The following MGAT4D variants were observed in gnomAD, a reference collection of about 807,000 sequenced individuals.
MGAT4D encodes alpha-1,3-mannosyl-glycoprotein 4-beta-N-acetylglucosaminyltransferase-like protein MGAT4D.
Under a neutral mutation model 15.9 loss-of-function variants are expected in MGAT4D, and 34 were observed. The ratio of observed to expected loss-of-function variants is 2.14; its 90% CI spans 1.62 to 2.84. MGAT4D has a LOEUF of 2.84. Ranked by LOEUF, MGAT4D falls within the 30% of genes most tolerant of loss-of-function variation. The pLI, the probability that MGAT4D is intolerant of heterozygous loss-of-function variation, is 0.00. For missense variants in MGAT4D, 327 were observed against 140.2 expected (o/e 2.33, Z -6.73); for synonymous variants, 112 against 48.2 (o/e 2.33, Z -5.49).
intron 7 of MGAT4D, among the ~76,000 whole-genome samples, chr4:140,460,565 G>T (rs1231555052): frequency 6.6e-6 from 1 of 152,200 alleles, no homozygotes; most frequent in Non-Finnish European, 1.5e-5. Flanking sequence ...GCCAGGAGCC[G>T]TGGCTCACGC....
chr4:140,444,460 G>A (rs1342493519), intron 10 of MGAT4D, among the ~76,000 whole-genome samples: 4 of 152,134 alleles, frequency 2.6e-5, no homozygotes, highest in African/African-American at 4.8e-5. Context: ...TTATAGGTGA[G>A]AACATGCAGT....
intron 1 of MGAT4D, among the ~76,000 whole-genome samples, chr4:140,486,341 G>A (rs1366588029): frequency 6.6e-6 from 1 of 152,040 alleles, no homozygotes; most frequent in Non-Finnish European, 1.5e-5. Flanking sequence ...TAGCACAGCC[G>A]TCTTTCCCTT....
chr4:140,479,683 T>C (rs1732568315), intron 2 of MGAT4D, 56 bp from the exon 3 acceptor site: 2 of 374,762 alleles, frequency 5.3e-6, no homozygotes, highest in East Asian at 7.5e-5. Context: ...TTTCTCCCCC[T>C]GGAATAATTT....
At chr4:140,446,768 T>G (rs1730159884) in intron 10 of MGAT4D, among the ~76,000 whole-genome samples, 1 of 133,560 alleles carries the variant, frequency 7.5e-6, no homozygotes. Flanking sequence ...TTTTTTTTTT[T>G]TTTTTTTTTT....
chr4:140,459,799 C>CTTTTTTTTTTTTTT (rs576574327), intron 7 of MGAT4D, among the ~76,000 whole-genome samples, 173 bp from the exon 8 acceptor site: 1 of 109,064 alleles, frequency 9.2e-6, no homozygotes, highest in Non-Finnish European at 1.8e-5. Flanking sequence ...AGTTGATTTC[C>CTTTTTTTTTTTTTT]TTTTTTTTTT....
rs1354976731 is a variant in MGAT4D, at chr4:140,442,287, A to G, written c.*1149T>C. On this transcript the variant is annotated 3_prime_UTR_variant, in exon 11 of 11. Transcript: ENST00000511113. ...TTCGTCTTTCATATTATCTTTATAA[A>G]TTGGTATTTGATACAGTTCATACTG... is the stretch of plus-strand genomic sequence containing the variant. 2 of 152,182 alleles carry G rather than the reference A, an allele frequency of 1.3e-5. No homozygotes were observed. Among genetic ancestry groups the G allele is most frequent in the African/African-American group, 4.8e-5 (2 of 41,454 alleles). The allele number at this position is 152,182 out of a possible 1,614,324, so 9.4% of individuals were successfully genotyped here. A position where few individuals can be genotyped will look rare whatever the true frequency, so the allele number is the denominator to read the frequency against.
At chr4:140,495,087 T>C (rs960923014) in intron 1 of MGAT4D, among the ~76,000 whole-genome samples, 28 of 152,218 alleles carry the variant, frequency 1.8e-4, no homozygotes, top group African/African-American at 6.5e-4. Flanking sequence ...GTCCCCATGA[T>C]ATAATACTTC....
chr4:140,456,462 G>T, intron 9 of MGAT4D, 127 bp downstream of exon 9: 9 of 406,774 alleles, frequency 2.2e-5, no homozygotes, highest in Non-Finnish European at 3.1e-5. Context: ...ATCAAAATTT[G>T]GGATATTAGA....
intron 4 of MGAT4D, among the ~76,000 whole-genome samples, chr4:140,474,157 A>G (rs894321829): frequency 1.3e-5 from 2 of 152,194 alleles, no homozygotes; most frequent in African/African-American, 4.8e-5. Context: ...ACACAGTACT[A>G]TATAGTTTTA....
chr4:140,484,518 A>G (rs1461180425), intron 1 of MGAT4D, among the ~76,000 whole-genome samples: 1 of 152,210 alleles, frequency 6.6e-6, no homozygotes, highest in African/African-American at 2.4e-5. Flanking sequence ...AAAACACCAA[A>G]AGCAATAGCA....
intron 10 of MGAT4D, among the ~76,000 whole-genome samples, chr4:140,449,234 A>T (rs1730316092): frequency 6.6e-6 from 1 of 152,200 alleles, no homozygotes; most frequent in Non-Finnish European, 1.5e-5. Context: ...TTTCCAAAAG[A>T]AATTTGTATG....
intron 1 of MGAT4D, among the ~76,000 whole-genome samples, chr4:140,493,146 T>G (rs531183597): frequency 6.6e-6 from 1 of 152,172 alleles, no homozygotes; most frequent in Non-Finnish European, 1.5e-5. Flanking sequence ...CGCAACATAA[T>G]GTAAAATTAA....
At chr4:140,475,935 C>CCGA (rs1347806834) in intron 3 of MGAT4D, among the ~76,000 whole-genome samples, 2 of 151,582 alleles carry the variant, frequency 1.3e-5, no homozygotes, top group East Asian at 3.9e-4. Context: ...TCTCAGTCTC[C>CCGA]CGAGTAGCTG....
chr4:140,477,419 C>T (rs1048156583), intron 3 of MGAT4D, among the ~76,000 whole-genome samples: 2 of 152,172 alleles, frequency 1.3e-5, no homozygotes, highest in African/African-American at 4.8e-5. Context: ...AGAGTAGAAG[C>T]TTATTAAATG....
At chr4:140,449,978 T>G (rs752996233) in intron 10 of MGAT4D, 3 of 243,710 alleles carry the variant, frequency 1.2e-5, no homozygotes, top group African/African-American at 6.6e-5. Flanking sequence ...CTTGCCACTT[T>G]ATTGAAGGAT....
At chr4:140,494,785 G>A (rs941617104) in intron 1 of MGAT4D, among the ~76,000 whole-genome samples, 1 of 152,158 alleles carries the variant, frequency 6.6e-6, no homozygotes, top group Admixed American at 6.5e-5. Context: ...GAGAGGGGGT[G>A]TTGCTCCTGG....
At chr4:140,469,626 C>A (rs1731780585) in intron 5 of MGAT4D, among the ~76,000 whole-genome samples, 1 of 152,184 alleles carries the variant, frequency 6.6e-6, no homozygotes, top group Non-Finnish European at 1.5e-5. Context: ...TTTAAAGACT[C>A]TGGGTCAGTT....
chr4:140,481,120 C>G (rs34321987), intron 2 of MGAT4D, among the ~76,000 whole-genome samples: 37,461 of 151,764 alleles, frequency 0.25, 4,964 homozygotes, highest in East Asian at 0.48. Flanking sequence ...TCAGCCTGGG[C>G]AACATAGAGA....
At chr4:140,483,429 T>C (rs1164521925) in intron 1 of MGAT4D, among the ~76,000 whole-genome samples, 1 of 152,180 alleles carries the variant, frequency 6.6e-6, no homozygotes, top group East Asian at 1.9e-4. Context: ...ATTGTTAAAA[T>C]GTCTATACTA....
Sources: allele counts gnomAD v4.1 joint callset (sites outside exome capture counted in the v4.1 genomes callset), GRCh38; gene constraint gnomAD v4.1.1; transcripts MANE v1.5; gene names NCBI Gene and HGNC (gene_info 2026-07-23, HGNC 2026-07-21).